Variants in FGF14 observed in about 807,000 individuals in gnomAD.
FGF14 encodes the protein fibroblast growth factor 14.
FGF14 carries 5 observed loss-of-function variants against 25.5 expected under a neutral mutation model. The observed-to-expected ratio is 0.20, with a 90% CI of 0.10 to 0.41. The LOEUF (loss-of-function observed/expected upper bound fraction) is 0.41, where lower values mean the gene tolerates loss of function less well. FGF14 is among the 10% of genes least tolerant of loss of function. The pLI is 1.00. For missense variants in FGF14, 222 were observed against 320.1 expected, an observed-to-expected ratio of 0.69 and a Z score of 2.34; for synonymous variants, 138 against 118.3, an observed-to-expected ratio of 1.17 and a Z score of -1.08.
At chr13:102,339,245 TG>T (rs1288289468) in intron 1 of FGF14, among the ~76,000 whole-genome samples, 2 of 151,186 alleles carry the variant, frequency 1.3e-5, no homozygotes, top group Non-Finnish European at 2.9e-5. Context: ...AATAAAAAAA[TG>T]TAAAAATTAA....
intron 1 of FGF14, among the ~76,000 whole-genome samples, chr13:102,252,664 CT>C (rs930337892): frequency 2.4e-4 from 35 of 148,414 alleles, no homozygotes; most frequent in South Asian, 8.5e-4. Flanking sequence ...TATTCTTATT[CT>C]TTTTTTTTTA....
intron 3 of FGF14, among the ~76,000 whole-genome samples, chr13:101,770,137 T>C (rs1204692824): frequency 6.6e-6 from 1 of 152,126 alleles, no homozygotes; most frequent in Non-Finnish European, 1.5e-5. Flanking sequence ...TAAAAGTCTT[T>C]TTTTAAGTAC....
chr13:101,840,090 A>G (rs754932429), intron 3 of FGF14, among the ~76,000 whole-genome samples: 23 of 152,062 alleles, frequency 1.5e-4, no homozygotes, highest in Non-Finnish European at 2.9e-4. Flanking sequence ...AGAAATAACT[A>G]CTTGGAAATG....
rs15608 is a variant in FGF14 at position 101,721,213 on chromosome 13, A to C, written c.*1618T>G. 5 of 152,036 alleles carry C rather than the reference A, an allele frequency of 3.3e-5. No homozygotes were observed. The highest frequency in any genetic ancestry group is 4.8e-5 in the African/African-American group (2 of 41,500). 9.4% of individuals were successfully genotyped at this position (152,036 alleles called of 1,614,324 possible). On this transcript the variant is annotated 3_prime_UTR_variant, in exon 5 of 5. Transcript: ENST00000376143. The stretch of plus-strand genomic sequence containing the variant: ...TAGGTGTACACAGAGTTAACAAATA[A>C]ATTCCCAAACAGTTTAGTATGAAAC...
chr13:101,816,894 G>T (rs2041872460), intron 3 of FGF14, among the ~76,000 whole-genome samples: 1 of 152,124 alleles, frequency 6.6e-6, no homozygotes, highest in African/African-American at 2.4e-5. Flanking sequence ...CTATTGTAAT[G>T]TTAAGCATAC....
intron 3 of FGF14, among the ~76,000 whole-genome samples, chr13:101,851,333 A>C (rs1367860494): frequency 2.0e-5 from 3 of 151,984 alleles, no homozygotes; most frequent in Non-Finnish European, 4.4e-5. Context: ...GCATGGGAGA[A>C]GTATGGGTCA....
intron 1 of FGF14, among the ~76,000 whole-genome samples, chr13:102,172,117 C>G (rs1045469884): frequency 6.6e-6 from 1 of 151,740 alleles, no homozygotes; most frequent in African/African-American, 2.4e-5. Context: ...GATATGACCC[C>G]CTACACCTGG....
At chr13:102,244,895 G>A (rs954723673) in intron 1 of FGF14, among the ~76,000 whole-genome samples, 11 of 151,902 alleles carry the variant, frequency 7.2e-5, no homozygotes, top group East Asian at 1.9e-4. Flanking sequence ...GTTTAAACCC[G>A]GAAATGATAT....
intron 1 of FGF14, among the ~76,000 whole-genome samples, chr13:102,061,381 C>T (rs1440831855): frequency 6.6e-6 from 1 of 152,236 alleles, no homozygotes; most frequent in Non-Finnish European, 1.5e-5. Context: ...CCTGCCCGTC[C>T]ACATGTTCCT....
At chr13:102,207,998 G>T (rs1050539441) in intron 1 of FGF14, among the ~76,000 whole-genome samples, 1 of 152,104 alleles carries the variant, frequency 6.6e-6, no homozygotes, top group Admixed American at 6.6e-5. Context: ...GTGTTTTTCT[G>T]TAATTTTCTC....
intron 1 of FGF14, among the ~76,000 whole-genome samples, chr13:101,983,591 T>C (rs1045939030): frequency 1.3e-5 from 2 of 152,232 alleles, no homozygotes; most frequent in Non-Finnish European, 2.9e-5. Flanking sequence ...GCCAGTTAAA[T>C]TGCATTTTGT....
chr13:102,309,459 T>C (rs2055609687), intron 1 of FGF14, among the ~76,000 whole-genome samples: 1 of 152,174 alleles, frequency 6.6e-6, no homozygotes, highest in South Asian at 2.1e-4. Context: ...TTTCTGGTAC[T>C]GCAGAGTACC....
At chr13:102,339,415 G>T (rs1321568945) in intron 1 of FGF14, among the ~76,000 whole-genome samples, 1 of 152,068 alleles carries the variant, frequency 6.6e-6, no homozygotes, top group Non-Finnish European at 1.5e-5. Context: ...GTATGGAAAT[G>T]ATCAAAGACA....
At position 102,198,280 on chromosome 13, in the gene FGF14, C is replaced by T. The variant is rs373565275; in HGVS notation, c.208+203191G>A. Among the ~76,000 whole-genome samples, 29 of 152,254 alleles carry T rather than the reference C, an allele frequency of 1.9e-4. No homozygotes were observed. In the East Asian group the frequency reaches 2.5e-3, roughly 13 times the overall value. On this transcript the variant is annotated intron_variant, in intron 1 of 4. Transcript: ENST00000376131. ...CTCCTGGAGCTGATGGTCCAGTTGT[C>T]CCAACTGGAAAACGAAGTTAGACCA...
At chr13:101,929,033 T>G (rs2034565589) in intron 1 of FGF14, among the ~76,000 whole-genome samples, 1 of 152,260 alleles carries the variant, frequency 6.6e-6, no homozygotes, top group African/African-American at 2.4e-5. Context: ...ATGATCAACC[T>G]TTATTTATCA....
At chr13:102,013,427 C>G (rs1321357183) in intron 1 of FGF14, among the ~76,000 whole-genome samples, 1 of 152,144 alleles carries the variant, frequency 6.6e-6, no homozygotes, top group South Asian at 2.1e-4. Context: ...TAAGGATTAT[C>G]TTCTTGGAAG....
At chr13:102,344,871 C>T (rs1216367463) in intron 1 of FGF14, among the ~76,000 whole-genome samples, 1 of 152,192 alleles carries the variant, frequency 6.6e-6, no homozygotes, top group African/African-American at 2.4e-5. Flanking sequence ...TATGGAGCAG[C>T]ATTGGTGCAG....
At chr13:101,850,485 TATATATATATATATATATA>T (rs2043729182) in intron 3 of FGF14, among the ~76,000 whole-genome samples, 10 of 6,176 alleles carry the variant, frequency 1.6e-3, no homozygotes, top group Admixed American at 4.6e-3. Context: ...TATATATATA[TATATATATATATATATATA>T]TATATATATA....
intron 3 of FGF14, among the ~76,000 whole-genome samples, chr13:101,838,988 A>T (rs550790426): frequency 6.6e-6 from 1 of 152,018 alleles, no homozygotes. Context: ...ATTGACACAG[A>T]TGCCCAGACC....
Sources: gnomAD v4.1 joint callset for allele counts (sites outside exome capture counted in the v4.1 genomes callset) on GRCh38, gnomAD v4.1.1 for gene constraint, MANE v1.5 for transcripts, NCBI Gene and HGNC (gene_info 2026-07-23, HGNC 2026-07-21) for gene names.